The following TNIP1 variants were observed in gnomAD, a reference collection of about 807,000 sequenced individuals.
TNIP1 encodes the protein TNFAIP3 interacting protein 1.
TNIP1 carries 22 observed loss-of-function variants against 86.6 expected under a neutral mutation model. That is an observed-to-expected ratio of 0.25 (90% confidence interval 0.18 to 0.36). The LOEUF (loss-of-function observed/expected upper bound fraction) is 0.36. Ranked by LOEUF, TNIP1 falls within the 10% of genes least tolerant of loss-of-function variation. The pLI is 1.00. For synonymous variants in TNIP1, 294 were observed against 313.0 expected (o/e 0.94, Z 0.64); for missense variants, 709 against 820.6 (o/e 0.86, Z 1.66).
upstream of TNIP1, among the ~76,000 whole-genome samples, chr5:151,083,875 T>TG (rs1398556896): frequency 3.9e-5 from 6 of 152,206 alleles, no homozygotes; most frequent in African/African-American, 1.4e-4. Flanking sequence ...GTAACATGTA[T>TG]GGAGTATTTG....
intron 11 of TNIP1, 56 bp from the exon 12 acceptor site, chr5:151,039,281 G>A (rs745724888): frequency 1.5e-5 from 24 of 1,563,378 alleles, no homozygotes; most frequent in Admixed American, 3.6e-5. Flanking sequence ...AGGAGGCCTC[G>A]GATTCTCTGT....
chr5:151,085,697 C>T (rs754905053), upstream of TNIP1, among the ~76,000 whole-genome samples: 1 of 151,636 alleles, frequency 6.6e-6, no homozygotes, highest in South Asian at 2.1e-4. Flanking sequence ...CGTCTCTCCC[C>T]CTGGCCTCTC....
chr5:151,063,317 T>A (rs1394437208), intron 3 of TNIP1, among the ~76,000 whole-genome samples: 1 of 152,164 alleles, frequency 6.6e-6, no homozygotes, highest in African/African-American at 2.4e-5. Flanking sequence ...AATATGCTGA[T>A]AAAGACCCCA....
Position 151,032,350 on chromosome 5 carries a change from C to T in TNIP1, c.1813G>A (p.Val605Ile), listed in dbSNP as rs1237138647. 1.9e-6 allele frequency: 3 copies of T among 1,614,118 alleles called. No homozygotes were observed. The highest frequency in any genetic ancestry group is 2.5e-6 in the Non-Finnish European group (3 of 1,180,008). Residue 605 changes from valine (V) to isoleucine (I), a missense_variant, in exon 17 of 18, where the codon GTT becomes ATT. By Grantham distance (29) the Val-to-Ile change is conservative (BLOSUM62 3). Transcript: ENST00000521591. Reference protein sequence around the residue: ...EYTWRLPCGGVRNPNQSSQVM... With the variant: ...EYTWRLPCGGIRNPNQSSQVM... ...TGGGAGCTCTGATTTGGATTTCGAA[C>T]CCCTCCACAGGGTAGACGCCAGGTG...
At chr5:151,039,266 T>C in intron 11 of TNIP1, 41 bp from the exon 12 acceptor site, 2 of 1,588,256 alleles carry the variant, frequency 1.3e-6, no homozygotes, top group Non-Finnish European at 8.5e-7. Context: ...TAGGATGGCC[T>C]CTCCAGGAGG....
At chr5:151,054,732 A>G (rs1760420644) in intron 6 of TNIP1, among the ~76,000 whole-genome samples, 2 of 152,238 alleles carry the variant, frequency 1.3e-5, no homozygotes, top group South Asian at 4.1e-4. Context: ...AGTCCATTCA[A>G]TGCCTAGCAG....
upstream of TNIP1, among the ~76,000 whole-genome samples, chr5:151,084,444 C>A (rs1395055053): frequency 4.2e-4 from 56 of 132,396 alleles, no homozygotes; most frequent in Admixed American, 5.3e-4. Context: ...GACTTCGTCT[C>A]AAAAAAAAAA....
upstream of TNIP1, among the ~76,000 whole-genome samples, chr5:151,082,842 C>T (rs1030156260): frequency 9.2e-5 from 14 of 152,318 alleles, no homozygotes; most frequent in Admixed American, 6.5e-4. Context: ...GTCGTGACTG[C>T]CCCCACCTCT....
intron 8 of TNIP1, 39 bp from the exon 9 acceptor site, chr5:151,045,989 A>G (rs1201897513): frequency 1.3e-6 from 2 of 1,593,350 alleles, no homozygotes; most frequent in Admixed American, 3.3e-5. Context: ...CAAAACCTCA[A>G]TACAAATTAT....
intron 6 of TNIP1, 88 bp from the exon 7 acceptor site, chr5:151,052,347 G>A (rs941864879): frequency 1.0e-5 from 11 of 1,094,356 alleles, no homozygotes; most frequent in Non-Finnish European, 1.5e-5. Flanking sequence ...GGGGCCTGTA[G>A]CCACCCCAGG....
At chr5:151,085,832 C>A (rs149364064), upstream of TNIP1, among the ~76,000 whole-genome samples, 1,019 of 152,318 alleles carry the variant, frequency 6.7e-3, 16 homozygotes, top group African/African-American at 0.024. Context: ...GAAGTTAGAC[C>A]CACAAAACCG....
At chr5:151,033,912 A>C in intron 15 of TNIP1, 113 bp from the exon 16 acceptor site, 1 of 952,996 alleles carries the variant, frequency 1.0e-6, no homozygotes, top group South Asian at 2.8e-5. Flanking sequence ...GCTGGGTACC[A>C]AAGGCTGGTA....
upstream of TNIP1, among the ~76,000 whole-genome samples, chr5:151,085,149 C>T (rs1277248078): frequency 1.3e-5 from 2 of 152,166 alleles, no homozygotes; most frequent in Admixed American, 6.5e-5. Flanking sequence ...CCCAAGAGAC[C>T]GTCACGCAGA....
intron 1 of TNIP1, among the ~76,000 whole-genome samples, chr5:151,078,815 A>C (rs1274515432): frequency 6.6e-6 from 1 of 152,232 alleles, no homozygotes; most frequent in Admixed American, 6.5e-5. Flanking sequence ...ACCAAATCAC[A>C]GCGGGTACAG....
chr5:151,034,627 G>A (rs547257697), intron 15 of TNIP1: 26 of 341,698 alleles, frequency 7.6e-5, no homozygotes, highest in Admixed American at 1.9e-4. Flanking sequence ...CTGGTACATG[G>A]GCATGGAAGG....
In TNIP1 at chr5:151,053,988, T is replaced by C. The variant is rs1297181149; in HGVS notation, c.628-1729A>G. 5.2e-5 allele frequency among the ~76,000 whole-genome samples: 8 copies of C among 152,386 alleles called. No homozygotes were observed. The South Asian group carries it at 1.0e-3, about 20-fold the overall frequency. On this transcript the variant is annotated intron_variant, in intron 6 of 17. Transcript: ENST00000521591. ...CAGGGCCATTCACTAAACAGCCATCTGCTGCCTTCCACCTCCCAGGCCTGT... is the reference window on the plus strand; with the variant it reads ...CAGGGCCATTCACTAAACAGCCATCCGCTGCCTTCCACCTCCCAGGCCTGT...
At chr5:151,060,521 C>T (rs775667439) in intron 4 of TNIP1, 126 bp from the exon 5 acceptor site, 1 of 756,564 alleles carries the variant, frequency 1.3e-6, no homozygotes, top group Non-Finnish European at 2.3e-6. Context: ...GGGACCGTTA[C>T]ATATCATCTC....
upstream of TNIP1, among the ~76,000 whole-genome samples, chr5:151,083,885 G>C (rs1177086900): frequency 6.6e-6 from 1 of 152,238 alleles, no homozygotes; most frequent in African/African-American, 2.4e-5. Context: ...TGGAGTATTT[G>C]CTGTGTGCTA....
intron 8 of TNIP1, among the ~76,000 whole-genome samples, chr5:151,047,116 G>C (rs72790116): frequency 0.095 from 14,511 of 152,062 alleles, 795 homozygotes; most frequent in Middle Eastern, 0.21. Context: ...CTTGATTGCA[G>C]AAACTTGAAA....
Sources: allele counts gnomAD v4.1 joint callset (sites outside exome capture counted in the v4.1 genomes callset), GRCh38; gene constraint gnomAD v4.1.1; transcripts MANE v1.5; gene names NCBI Gene and HGNC (gene_info 2026-07-23, HGNC 2026-07-21).